Variants in WDR36 observed in about 807,000 individuals in gnomAD.
WDR36 encodes the protein WD repeat domain 36.
WDR36 carries 63 observed loss-of-function variants against 112.7 expected under a neutral mutation model. The ratio of observed to expected loss-of-function variants is 0.56; its 90% CI spans 0.46 to 0.69. The LOEUF (loss-of-function observed/expected upper bound fraction) is 0.69. Among genes scored for constraint, WDR36 ranks in the 30% least tolerant of loss-of-function variants. WDR36 has a pLI of 0.00. For missense variants in WDR36, 1,226 were observed against 1,070.3 expected, an observed-to-expected ratio of 1.15 and a Z score of -2.03; for synonymous variants, 410 against 362.2, an observed-to-expected ratio of 1.13 and a Z score of -1.50.
chr5:111,105,345 A>C lies in WDR36; in HGVS notation c.1078A>C (p.Lys360Gln), dbSNP rs141993835. The C allele has an allele frequency of 2.2e-5, 35 of 1,609,836 alleles. No individual in the cohort carries two copies. In the African/African-American group the frequency reaches 4.6e-4, roughly 21 times the overall value. The change falls in exon 10 of 23, where the codon AAG becomes CAG. Residue 360 changes from lysine (K) to glutamine (Q), a missense_variant. Transcript: ENST00000513710. ...TTCCACGGTACATGAAAAATTCAATAAGAGCTTGGGACATGGTAGGTCCTC... is the reference window on the plus strand; with the variant it reads ...TTCCACGGTACATGAAAAATTCAATCAGAGCTTGGGACATGGTAGGTCCTC... The part of the protein sequence containing the change: ...SFSTVHEKFN[K>Q]SLGHGLINKK...
rs752725936 is a variant in WDR36 at position 111,106,128 on chromosome 5, A to T, written c.1165A>T (p.Thr389Ser). The change falls in exon 11 of 23, where the codon ACA becomes TCA. Residue 389 changes from threonine (T) to serine (S), a missense_variant. Physicochemically the swap from Thr to Ser is moderately conservative, Grantham distance 58. Transcript: ENST00000513710. ...CATGTCAGTGAGACTTCCACCCATCACAAAGTTTGCAGCAGGTAAGTAACT... is the reference window on the plus strand; with the variant it reads ...CATGTCAGTGAGACTTCCACCCATCTCAAAGTTTGCAGCAGGTAAGTAACT... ...NTMSVRLPPI[T>S]KFAAEEARES... The T allele has an allele frequency of 1.2e-6, 2 of 1,609,940 alleles. No individual in the cohort carries two copies. Among genetic ancestry groups the T allele is most frequent in the East Asian group, 4.5e-5 (2 of 44,712 alleles).
chr5:111,095,432 C>G (rs1752954676), intron 2 of WDR36, among the ~76,000 whole-genome samples: 1 of 152,120 alleles, frequency 6.6e-6, no homozygotes, highest in Admixed American at 6.6e-5. Flanking sequence ...TGCACTGGGA[C>G]TATGTAAATA....
intron 18 of WDR36, 50 bp from the exon 19 acceptor site, chr5:111,120,946 T>G: frequency 6.7e-7 from 1 of 1,482,460 alleles, no homozygotes; most frequent in Non-Finnish European, 9.4e-7. Context: ...TGAATTAAGT[T>G]GCTTTTATAT....
rs1753524859 is a variant in WDR36 at position 111,119,663 on chromosome 5, G to A, written c.1904+543G>A. Among the ~76,000 whole-genome samples the A allele has an allele frequency of 3.9e-5, 6 of 151,968 alleles. 1 individual carries two copies. In the South Asian group the frequency reaches 1.2e-3, roughly 32 times the overall value. ...ATCACCTGGGTTTAGAAAAAATTTT[G>A]TTTCTTTCCTAACTTTATATCTGTA... On this transcript the variant is annotated intron_variant, in intron 17 of 22. Coordinates refer to ENST00000513710, the MANE Select transcript of WDR36 (RefSeq NM_139281.3).
Position 111,092,460 on chromosome 5 carries a change from G to A in WDR36, c.4G>A (p.Glu2Lys), listed in dbSNP as rs368768172. The A allele has an allele frequency of 5.2e-5, 84 of 1,614,244 alleles. No homozygotes were observed. Among genetic ancestry groups the A allele is most frequent in the Non-Finnish European group, 6.9e-5 (82 of 1,180,058 alleles). The part of the protein sequence containing the change: M[E>K]RASERRTASA... ...AGGAGCTGGGATCGCGGCGGCAATGGAACGGGCCTCAGAAAGGCGCACGGC... is the reference window on the plus strand; with the variant it reads ...AGGAGCTGGGATCGCGGCGGCAATGAAACGGGCCTCAGAAAGGCGCACGGC... Residue 2 changes from glutamate (E) to lysine (K), a missense_variant, in exon 1 of 23, where the codon GAA (glutamate) becomes AAA (lysine). By Grantham distance (56) the Glu-to-Lys change is moderately conservative (BLOSUM62 1). Coordinates refer to ENST00000513710, the MANE Select transcript of WDR36 (RefSeq NM_139281.3).
chr5:111,100,786 A>G (rs1409578200), intron 5 of WDR36, 65 bp downstream of exon 5: 3 of 1,499,254 alleles, frequency 2.0e-6, no homozygotes, highest in Non-Finnish European at 2.8e-6. Flanking sequence ...TTCCTAATGT[A>G]TACTTAAGTC....
At chr5:111,107,588 C>T (rs950174080) in intron 12 of WDR36, 149 bp downstream of exon 12, 15 of 949,924 alleles carry the variant, frequency 1.6e-5, no homozygotes, top group Non-Finnish European at 2.0e-5. Context: ...CAAAAATTTG[C>T]TCCTGTGACT....
intron 12 of WDR36, among the ~76,000 whole-genome samples, chr5:111,109,230 A>G (rs1753277366): frequency 6.6e-6 from 1 of 151,384 alleles, no homozygotes; most frequent in African/African-American, 2.4e-5. Context: ...AACATAGCAT[A>G]AACATTTATG....
At chr5:111,092,960 G>A (rs1043036606) in intron 1 of WDR36, among the ~76,000 whole-genome samples, 1 of 152,244 alleles carries the variant, frequency 6.6e-6, no homozygotes, top group Non-Finnish European at 1.5e-5. Flanking sequence ...CTTAATGAGA[G>A]AGAAAAACAT....
Position 111,110,985 on chromosome 5 carries a change from T to C in WDR36, c.1607+32T>C. On this transcript the variant is annotated intron_variant, in intron 14 of 22. Coordinates refer to ENST00000513710, the MANE Select transcript of WDR36 (RefSeq NM_139281.3). ...TTTTAATGATAATGGATTTTCTCTTTGATTCTTTTGGTAAAAGTCATAAAG... is the reference window on the plus strand; with the variant it reads ...TTTTAATGATAATGGATTTTCTCTTCGATTCTTTTGGTAAAAGTCATAAAG... 5.0e-6 allele frequency: 8 copies of C among 1,608,870 alleles called. 1 individual carries two copies. In the South Asian group the frequency reaches 6.6e-5, roughly 13 times the overall value.
intron 7 of WDR36, 59 bp from the exon 8 acceptor site, chr5:111,104,118 C>A: frequency 6.7e-7 from 1 of 1,502,322 alleles, no homozygotes. Flanking sequence ...GAGAAGAATT[C>A]TTGTTTATTT....
At chr5:111,103,673 T>C in intron 6 of WDR36, 113 bp from the exon 7 acceptor site, 1 of 1,375,970 alleles carries the variant, frequency 7.3e-7, no homozygotes, top group Admixed American at 2.0e-5. Flanking sequence ...CTGCCATCTT[T>C]TAGAAGATAC....
At chr5:111,125,833 T>A in intron 22 of WDR36, 38 bp downstream of exon 22, 1 of 1,609,850 alleles carries the variant, frequency 6.2e-7, no homozygotes. Context: ...CAGCTTGTCT[T>A]CTTCTGGGGC....
chr5:111,111,521 C>G, intron 15 of WDR36: 1 of 424,912 alleles, frequency 2.4e-6, no homozygotes, highest in Non-Finnish European at 4.4e-6. Flanking sequence ...TAAACAAGGC[C>G]AAAGTATACT....
In WDR36 at chr5:111,126,764, G is replaced by C. The variant is rs1023608881; in HGVS notation, c.2569G>C (p.Val857Leu). 2 of 1,613,686 alleles carry C rather than the reference G, an allele frequency of 1.2e-6. No homozygotes were observed. Among genetic ancestry groups the C allele is most frequent in the Non-Finnish European group, 1.7e-6 (2 of 1,179,802 alleles). The change falls in exon 23 of 23, where the codon GTA becomes CTA. Residue 857 changes from valine (V) to leucine (L), a missense_variant. Physicochemically the swap from Val to Leu is conservative, Grantham distance 32 (BLOSUM62 1). Coordinates refer to ENST00000513710, the MANE Select transcript of WDR36 (RefSeq NM_139281.3). ...LHLKMLPSEP[V>L]LLEEITNLSS... ...CCTTAAAATGCTTCCTTCAGAGCCA[G>C]TACTCCTAGAAGAAATAACAAATTT...
intron 4 of WDR36, among the ~76,000 whole-genome samples, chr5:111,099,483 T>TTTTTTTTTTTTTTTTG (rs1753074409): frequency 7.6e-6 from 1 of 131,860 alleles, no homozygotes; most frequent in East Asian, 2.1e-4. Flanking sequence ...TTTTTTTTTT[T>TTTTTTTTTTTTTTTTG]TCAGTAAATA....
At chr5:111,108,883 T>G (rs1214071458) in intron 12 of WDR36, among the ~76,000 whole-genome samples, 1 of 151,332 alleles carries the variant, frequency 6.6e-6, no homozygotes, top group African/African-American at 2.4e-5. Flanking sequence ...ATGTATACTA[T>G]GATATTTAGC....
At position 111,121,736 on chromosome 5, in the gene WDR36, A is replaced by G. The variant is rs144312337; in HGVS notation, c.2148+595A>G. On this transcript the variant is annotated intron_variant, in intron 19 of 22. Coordinates refer to ENST00000513710, the MANE Select transcript of WDR36 (RefSeq NM_139281.3). ...GATTCTGCATGAAAAATGGACAACTATGGTATAGATTAGTATTTTTTAGAG... is the reference window on the plus strand; with the variant it reads ...GATTCTGCATGAAAAATGGACAACTGTGGTATAGATTAGTATTTTTTAGAG... Among the ~76,000 whole-genome samples, 6 of 152,284 alleles carry G rather than the reference A, an allele frequency of 3.9e-5. No individual in the cohort carries two copies. The East Asian group carries it at 5.8e-4, about 15-fold the overall frequency.
In WDR36 at chr5:111,092,447, C is replaced by G. The variant is rs975336519; in HGVS notation, c.-10C>G. 3.7e-6 allele frequency: 6 copies of G among 1,614,094 alleles called. No individual in the cohort carries two copies. In the African/African-American group the frequency reaches 4.0e-5, roughly 11 times the overall value. On this transcript the variant is annotated 5_prime_UTR_variant, in exon 1 of 23. In the 5' UTR this introduces an upstream ATG that the reference lacks. Transcript: ENST00000513710. The stretch of plus-strand genomic sequence containing the variant: ...GACCAGAGCTGAGAGGAGCTGGGAT[C>G]GCGGCGGCAATGGAACGGGCCTCAG...
Sources: gnomAD v4.1 joint callset for allele counts (sites outside exome capture counted in the v4.1 genomes callset) on GRCh38, gnomAD v4.1.1 for gene constraint, MANE v1.5 for transcripts, NCBI Gene and HGNC (gene_info 2026-07-23, HGNC 2026-07-21) for gene names.